Variants in USH2A observed in about 807,000 individuals in gnomAD.
USH2A encodes Usher syndrome 2A (autosomal recessive, mild).
USH2A carries 443 observed loss-of-function variants against 538.9 expected under a neutral mutation model. The ratio of observed to expected loss-of-function variants is 0.82; its 90% confidence interval spans 0.76 to 0.89. The LOEUF is 0.89. Among genes scored for constraint, USH2A ranks in the 40% least tolerant of loss-of-function variants. The pLI is 0.00. For synonymous variants in USH2A, 2,413 were observed against 2,273.5 expected (o/e 1.06, Z -1.75); for missense variants, 6,633 against 6,324.8 (o/e 1.05, Z -1.65).
chr1:216,184,310 G>T (rs903755436), intron 20 of USH2A, among the ~76,000 whole-genome samples: 1 of 152,018 alleles, frequency 6.6e-6, no homozygotes, highest in Admixed American at 6.6e-5. Context: ...TCTTCGAAGA[G>T]GCTTTGATTT....
At position 216,000,516 on chromosome 1, in the gene USH2A, T is replaced by G; in HGVS notation, c.6372A>C (p.Thr2124=). 1 of 1,613,730 alleles carries G rather than the reference T, an allele frequency of 6.2e-7. No homozygotes were observed. Among genetic ancestry groups the G allele is most frequent in the Non-Finnish European group, 8.5e-7 (1 of 1,179,708 alleles). The part of the protein sequence containing the change: ...TPHQFLLSAC[T]HVGCTNSSWV... Reference sequence around the variant, plus strand: ...AGGAACTGTTTGTACAGCCCACATGTGTGCATGCACTTAGTAGAAACTGGT... The same window carrying G: ...AGGAACTGTTTGTACAGCCCACATGGGTGCATGCACTTAGTAGAAACTGGT... Residue 2124 remains threonine (T), a synonymous_variant, in exon 33 of 72, where the codon ACA becomes ACC. Transcript: ENST00000307340.
At chr1:215,912,497 A>ACG (rs1665827325) in intron 38 of USH2A, among the ~76,000 whole-genome samples, 13 of 23,090 alleles carry the variant, frequency 5.6e-4, no homozygotes, top group African/African-American at 1.8e-3. Context: ...ATATGTGTAT[A>ACG]TATATATATA....
intron 34 of USH2A, among the ~76,000 whole-genome samples, chr1:215,997,013 A>G (rs1410482626): frequency 6.6e-6 from 1 of 152,042 alleles, no homozygotes; most frequent in Non-Finnish European, 1.5e-5. Flanking sequence ...AGGCAACTCC[A>G]CTTTGCTGAG....
chr1:216,365,195 A>T, intron 3 of USH2A, 110 bp from the exon 4 acceptor site: 1 of 1,285,214 alleles, frequency 7.8e-7, no homozygotes, highest in South Asian at 1.5e-5. Context: ...TACTTTGTTC[A>T]GCTGGGAAGA....
At chr1:215,755,885 T>C (rs1660779764) in intron 58 of USH2A, among the ~76,000 whole-genome samples, 1 of 152,136 alleles carries the variant, frequency 6.6e-6, no homozygotes, top group Non-Finnish European at 1.5e-5. Context: ...CATTTAAGTG[T>C]GATATTGAAT....
intron 21 of USH2A, among the ~76,000 whole-genome samples, chr1:216,136,753 T>C (rs9658799): frequency 6.6e-6 from 1 of 152,116 alleles, no homozygotes; most frequent in Non-Finnish European, 1.5e-5. Flanking sequence ...GAGACAGATG[T>C]GCATGCAAAG....
intron 61 of USH2A, among the ~76,000 whole-genome samples, chr1:215,693,446 T>C (rs1007488879): frequency 9.2e-5 from 14 of 152,158 alleles, no homozygotes; most frequent in African/African-American, 3.4e-4. Context: ...TTAAATGTCT[T>C]ACCTAGAGTC....
At chr1:215,669,913 T>C (rs1657758639) in intron 64 of USH2A, among the ~76,000 whole-genome samples, 1 of 152,200 alleles carries the variant, frequency 6.6e-6, no homozygotes, top group Admixed American at 6.5e-5. Context: ...TTTCATGTTA[T>C]AATAAGCTTT....
intron 58 of USH2A, among the ~76,000 whole-genome samples, chr1:215,743,820 CAA>C (rs11422369): frequency 2.6e-4 from 30 of 117,554 alleles, no homozygotes; most frequent in Non-Finnish European, 2.7e-4. Flanking sequence ...ACTCCGCCTC[CAA>C]AAAAAAAAAA....
chr1:215,918,070 T>C (rs1226526654), intron 38 of USH2A, among the ~76,000 whole-genome samples: 1 of 151,998 alleles, frequency 6.6e-6, no homozygotes, highest in Non-Finnish European at 1.5e-5. Flanking sequence ...TAAGATACAA[T>C]CAAATACCAA....
chr1:215,969,190 G>C (rs1667430971), intron 36 of USH2A, among the ~76,000 whole-genome samples: 1 of 152,144 alleles, frequency 6.6e-6, no homozygotes, highest in Non-Finnish European at 1.5e-5. Flanking sequence ...TCATTGACTA[G>C]GGAAAAGCGT....
intron 11 of USH2A, among the ~76,000 whole-genome samples, chr1:216,262,331 G>C (rs924862086): frequency 1.3e-5 from 2 of 151,944 alleles, no homozygotes; most frequent in African/African-American, 4.8e-5. Context: ...ATCAGGAAAA[G>C]AATTCATGAT....
At chr1:216,346,502 A>G (rs902647693) in intron 4 of USH2A, among the ~76,000 whole-genome samples, 10 of 152,078 alleles carry the variant, frequency 6.6e-5, no homozygotes, top group Non-Finnish European at 1.5e-5. Context: ...ATAACTAGGT[A>G]GGAAATACAC....
Position 216,044,887 on chromosome 1 carries a change from A to T in USH2A, c.6325+1544T>A, listed in dbSNP as rs560083560. ...TATTATGGAATTCTATCCAATTATG[A>T]ATAATAAAATATAAAAGTAATTGTT... On this transcript the variant is annotated intron_variant, in intron 32 of 71. Transcript: ENST00000307340. 9.2e-5 allele frequency among the ~76,000 whole-genome samples: 14 copies of T among 152,266 alleles called. No homozygotes were observed. The South Asian group carries it at 2.9e-3, about 32-fold the overall frequency.
At chr1:216,122,589 C>A (rs72746335) in intron 21 of USH2A, among the ~76,000 whole-genome samples, 1 of 152,196 alleles carries the variant, frequency 6.6e-6, no homozygotes, top group Non-Finnish European at 1.5e-5. Flanking sequence ...ATCACCAGAA[C>A]CAAGAGAGAA....
Position 216,048,578 on chromosome 1 carries a change from C to T in USH2A, c.6119G>A (p.Cys2040Tyr). The T allele has an allele frequency of 6.2e-7, 1 of 1,614,092 alleles. No homozygotes were observed. Among genetic ancestry groups the T allele is most frequent in the South Asian group, 1.1e-5 (1 of 91,086 alleles). The part of the protein sequence containing the change: ...VTLTACTLAG[C>Y]TESSHALNIS... The stretch of plus-strand genomic sequence containing the variant: ...GTTCAATGCATGTGAGCTCTCAGTA[C>T]AGCCAGCCAAAGTGCAAGCAGTTAG... The change falls in exon 31 of 72, where the codon TGT becomes TAT. Residue 2040 changes from cysteine (C) to tyrosine (Y), a missense_variant. Transcript: ENST00000307340.
rs555474745 is a variant in USH2A, at chr1:216,288,268, T to C, written c.1971+1012A>G. Among the ~76,000 whole-genome samples the C allele has an allele frequency of 2.4e-4, 37 of 152,240 alleles. 3 individuals are homozygous for C. Among genetic ancestry groups the C allele is most frequent in the African/African-American group, 8.9e-4 (37 of 41,572 alleles). Reference sequence around the variant, plus strand: ...ACTTTCTGAGAAAATAGTCCCTCAATATTATAAAATAAAAATAGTAGAAAT... The same window carrying C: ...ACTTTCTGAGAAAATAGTCCCTCAACATTATAAAATAAAAATAGTAGAAAT... On this transcript the variant is annotated intron_variant, in intron 11 of 71. Coordinates refer to ENST00000307340, the MANE Select transcript of USH2A (RefSeq NM_206933.4).
intron 49 of USH2A, among the ~76,000 whole-genome samples, chr1:215,804,361 G>A (rs1158358750): frequency 2.0e-5 from 3 of 151,954 alleles, no homozygotes; most frequent in Middle Eastern, 3.2e-3. Flanking sequence ...TACAGAATGG[G>A]AGAAAACTTT....
At chr1:216,020,833 T>G (rs959880164) in intron 32 of USH2A, among the ~76,000 whole-genome samples, 1 of 152,222 alleles carries the variant, frequency 6.6e-6, no homozygotes, top group Non-Finnish European at 1.5e-5. Flanking sequence ...GTCATCTGGC[T>G]GTTTATATGC....
Sources: allele counts gnomAD v4.1 joint callset (sites outside exome capture counted in the v4.1 genomes callset), GRCh38; gene constraint gnomAD v4.1.1; transcripts MANE v1.5; gene names NCBI Gene and HGNC (gene_info 2026-07-23, HGNC 2026-07-21).